NAA38: variants seen among roughly 807,000 people sequenced by gnomAD.
The protein encoded by NAA38 is N-alpha-acetyltransferase 38, NatC auxiliary subunit.
NAA38 carries 15 observed loss-of-function variants against 12.6 expected under a neutral mutation model. That is an observed-to-expected ratio of 1.19 (90% CI 0.79 to 1.83). The LOEUF (loss-of-function observed/expected upper bound fraction) is 1.83. Among genes scored for constraint, NAA38 ranks in the 40% most tolerant of loss-of-function variants. The pLI is 0.00. For missense variants in NAA38, 183 were observed against 171.7 expected, an observed-to-expected ratio of 1.07 and a Z score of -0.37; for synonymous variants, 88 against 69.9, an observed-to-expected ratio of 1.26 and a Z score of -1.29.
At chr17:7,881,255 C>T (rs1277935482) in intron 2 of NAA38, among the ~76,000 whole-genome samples, 1 of 102,104 alleles carries the variant, frequency 9.8e-6, no homozygotes, top group Non-Finnish European at 2.1e-5. Flanking sequence ...GTATGTACTA[C>T]CTATTTAGAA....
At chr17:7,858,173 G>A (rs1277221026), upstream of NAA38, 5 of 1,613,876 alleles carry the variant, frequency 3.1e-6, no homozygotes, top group South Asian at 2.2e-5. Context: ...CAGACTTGGA[G>A]TATTTTCAGC....
intron 2 of NAA38, among the ~76,000 whole-genome samples, chr17:7,868,014 T>C (rs2151389566): frequency 6.6e-6 from 1 of 152,278 alleles, no homozygotes; most frequent in East Asian, 1.9e-4. Flanking sequence ...ATGAGGTAAC[T>C]CGGGCAGGCA....
intron 2 of NAA38, among the ~76,000 whole-genome samples, chr17:7,877,712 A>C (rs902254947): frequency 1.1e-4 from 16 of 152,354 alleles, no homozygotes; most frequent in Admixed American, 9.1e-4. Context: ...GTCAAAAAAC[A>C]CTAAGTTTAT....
intron 2 of NAA38, among the ~76,000 whole-genome samples, chr17:7,876,715 A>G (rs746637128): frequency 6.6e-5 from 10 of 152,078 alleles, no homozygotes; most frequent in Non-Finnish European, 1.5e-4. Context: ...ATCTGTTTTA[A>G]GTCTTTATCT....
chr17:7,866,355 G>C, intron 3 of NAA38: 1 of 413,232 alleles, frequency 2.4e-6, no homozygotes, highest in Non-Finnish European at 3.6e-6. Context: ...TGATCCGCCC[G>C]CCTCGGCCTC....
chr17:7,878,601 C>T (rs1182698758), intron 2 of NAA38, among the ~76,000 whole-genome samples: 2 of 152,074 alleles, frequency 1.3e-5, no homozygotes, highest in African/African-American at 4.8e-5. Flanking sequence ...TGGCACGCGC[C>T]TGTAATCCCA....
At chr17:7,860,054 A>AGTGT (rs993929217), upstream of NAA38, 1 of 181,220 alleles carries the variant, frequency 5.5e-6, no homozygotes, top group Non-Finnish European at 1.2e-5. Flanking sequence ...CTTGTAGAAG[A>AGTGT]GTGTTTGGCA....
chr17:7,865,135 G>A (rs760188765), intron 3 of NAA38: 7 of 152,136 alleles, frequency 4.6e-5, no homozygotes, highest in Non-Finnish European at 1.0e-4. Flanking sequence ...AATGATCAGA[G>A]GCATGTCTGA....
chr17:7,883,605 ATCTC>A (rs1341971628), intron 1 of NAA38, among the ~76,000 whole-genome samples: 1 of 152,172 alleles, frequency 6.6e-6, no homozygotes, highest in Admixed American at 6.5e-5. Flanking sequence ...ATCTATTCAT[ATCTC>A]TCCCCCAAAA....
chr17:7,878,145 G>C (rs1453629715), intron 2 of NAA38, among the ~76,000 whole-genome samples: 2 of 151,850 alleles, frequency 1.3e-5, no homozygotes, highest in Admixed American at 1.3e-4. Context: ...AAAGACTTAT[G>C]AATATTATTT....
chr17:7,874,002 C>G (rs1216770009), intron 2 of NAA38, among the ~76,000 whole-genome samples: 1 of 152,126 alleles, frequency 6.6e-6, no homozygotes, highest in African/African-American at 2.4e-5. Flanking sequence ...TTCAGCAGCC[C>G]TTTGCATCCT....
chr17:7,869,687 C>T (rs1467213001), intron 2 of NAA38, among the ~76,000 whole-genome samples: 6 of 151,218 alleles, frequency 4.0e-5, no homozygotes, highest in African/African-American at 9.7e-5. Flanking sequence ...CGCTTCAACC[C>T]GGGAGGCAGA....
chr17:7,859,801 A>G, upstream of NAA38: 1 of 586,750 alleles, frequency 1.7e-6, no homozygotes, highest in Non-Finnish European at 3.0e-6. Flanking sequence ...GCTCTGAGAA[A>G]ATTAGTGAAT....
intron 2 of NAA38, among the ~76,000 whole-genome samples, chr17:7,867,333 G>A (rs777047135): frequency 3.3e-4 from 50 of 149,440 alleles, no homozygotes; most frequent in Non-Finnish European, 5.9e-4. Context: ...AGAGTTAAGT[G>A]TTTTATGTTT....
At position 7,880,509 on chromosome 17, in the gene NAA38, A is replaced by T. The variant is rs79591890; in HGVS notation, c.-66+2726T>A. Among the ~76,000 whole-genome samples, 733 of 152,292 alleles carry T rather than the reference A, an allele frequency of 4.8e-3. 3 individuals are homozygous for T. Among genetic ancestry groups the T allele is most frequent in the African/African-American group, 0.016 (680 of 41,560 alleles). On this transcript the variant is annotated intron_variant, in intron 2 of 4. Transcript: ENST00000576861. Reference sequence around the variant, plus strand: ...TGTCTCTAAGGTGGCATGTGAGTGGAGCCAGAAGGCTTTAATCAGGAGAAA... The same window carrying T: ...TGTCTCTAAGGTGGCATGTGAGTGGTGCCAGAAGGCTTTAATCAGGAGAAA...
intron 2 of NAA38, among the ~76,000 whole-genome samples, chr17:7,869,308 G>T (rs901287138): frequency 6.6e-6 from 1 of 152,142 alleles, no homozygotes; most frequent in Admixed American, 6.5e-5. Flanking sequence ...TGGATTCCAG[G>T]TGCTACCTTT....
chr17:7,858,489 G>C, upstream of NAA38: 2 of 1,614,182 alleles, frequency 1.2e-6, no homozygotes, highest in Non-Finnish European at 1.7e-6. Context: ...CGTGAGTTAT[G>C]CTGGAACCTG....
At chr17:7,880,471 A>G (rs1779525104) in intron 2 of NAA38, among the ~76,000 whole-genome samples, 1 of 152,200 alleles carries the variant, frequency 6.6e-6, no homozygotes, top group Admixed American at 6.5e-5. Context: ...GTCTCCTTCA[A>G]AGAGTTATAA....
chr17:7,884,834 G>A, intron 1 of NAA38: 1 of 1,014,876 alleles, frequency 9.9e-7, no homozygotes, highest in Non-Finnish European at 1.4e-6. Flanking sequence ...GGACGAGGAG[G>A]AGGAGGAGGA....
Sources: allele counts gnomAD v4.1 joint callset (sites outside exome capture counted in the v4.1 genomes callset), GRCh38; gene constraint gnomAD v4.1.1; transcripts MANE v1.5; gene names NCBI Gene and HGNC (gene_info 2026-07-23, HGNC 2026-07-21).